Variants in MAP1S observed in about 807,000 individuals in gnomAD.
The protein encoded by MAP1S is microtubule-associated protein 1S.
In MAP1S, 27 loss-of-function variants were observed where a neutral mutation model predicts 60.9. That is an observed-to-expected ratio of 0.44 (90% CI 0.33 to 0.61). MAP1S has a LOEUF of 0.61. Among genes scored for constraint, MAP1S ranks in the 20% least tolerant of loss-of-function variants. MAP1S has a pLI of 0.03. For missense variants in MAP1S, 1,608 were observed against 1,486.6 expected, an observed-to-expected ratio of 1.08 and a Z score of -1.34; for synonymous variants, 826 against 694.2, an observed-to-expected ratio of 1.19 and a Z score of -2.98.
At chr19:17,731,551 TTGA>T (rs563564874) in intron 5 of MAP1S, among the ~76,000 whole-genome samples, 8 of 152,388 alleles carry the variant, frequency 5.2e-5, no homozygotes, top group African/African-American at 1.7e-4. Context: ...GTCCTCTATC[TTGA>T]TTCTTCTATT....
chr19:17,722,766 AGAGG>A (rs754077101), intron 2 of MAP1S, among the ~76,000 whole-genome samples: 1,493 of 111,922 alleles, frequency 0.013, 35 homozygotes, highest in African/African-American at 0.046. Flanking sequence ...AGAGAGAGAG[AGAGG>A]GAGGGAGGGA....
chr19:17,724,928 C>A, intron 3 of MAP1S, 121 bp from the exon 4 acceptor site: 9 of 1,257,082 alleles, frequency 7.2e-6, no homozygotes, highest in Non-Finnish European at 1.0e-5. Flanking sequence ...GAGCACTGGG[C>A]TGGTCGTGGG....
At position 17,725,040 on chromosome 19, in the gene MAP1S, C is replaced by T. The variant is rs1479349550; in HGVS notation, c.304-9C>T. 3.1e-6 allele frequency: 5 copies of T among 1,614,038 alleles called. No individual in the cohort carries two copies. The highest frequency in any genetic ancestry group is 2.5e-6 in the Non-Finnish European group (3 of 1,180,024). Reference sequence around the variant, plus strand: ...GAACGGGTCCTTTAGTGTTCACCCCCTCCCTCAGCTCCGGAACCTTCTGTT... The same window carrying T: ...GAACGGGTCCTTTAGTGTTCACCCCTTCCCTCAGCTCCGGAACCTTCTGTT... On this transcript the variant is annotated splice_polypyrimidine_tract_variant and intron_variant, in intron 3 of 6. Transcript: ENST00000324096. The surrounding 1 kb of genome is among the most constrained non-coding windows in gnomAD (Gnocchi z 4.2).
Position 17,728,008 on chromosome 19 carries a change from C to A in MAP1S, c.2624C>A (p.Ala875Asp). The A allele has an allele frequency of 6.2e-7, 1 of 1,611,802 alleles. No individual in the cohort carries two copies. Among genetic ancestry groups the A allele is most frequent in the Non-Finnish European group, 8.5e-7 (1 of 1,179,318 alleles). Residue 875 changes from alanine to aspartate, a missense_variant, in exon 5 of 7, where the codon GCC (alanine) becomes GAC (aspartate). Ala to Asp is a moderately radical substitution (Grantham distance 126, BLOSUM62 -2). Around this residue, in one of 4 missense-constraint regions of MAP1S, gnomAD observed 1,167 missense variants for 961.4 expected, o/e 1.21. Coordinates refer to ENST00000324096, the MANE Select transcript of MAP1S (RefSeq NM_018174.6). ...PLARPNSRAA[A>D]PKATPVAAAK... Reference sequence around the variant, plus strand: ...GCCCGCCCCAACTCACGCGCTGCCGCCCCCAAAGCCACTCCAGTGGCTGCT... The same window carrying A: ...GCCCGCCCCAACTCACGCGCTGCCGACCCCAAAGCCACTCCAGTGGCTGCT...
chr19:17,722,640 T>C (rs2080380626), intron 2 of MAP1S, among the ~76,000 whole-genome samples: 1 of 151,370 alleles, frequency 6.6e-6, no homozygotes, highest in African/African-American at 2.4e-5. Flanking sequence ...CCCCAGCTAC[T>C]TGGGAGACTG....
Position 17,727,155 on chromosome 19 carries a change from G to A in MAP1S, c.1771G>A (p.Ala591Thr), listed in dbSNP as rs368058926. The change falls in exon 5 of 7, where the codon GCC becomes ACC. Residue 591 changes from alanine to threonine, a missense_variant. By Grantham distance (58) the Ala-to-Thr change is moderately conservative. Coordinates refer to ENST00000324096, the MANE Select transcript of MAP1S (RefSeq NM_018174.6). The surrounding 1 kb of genome is among the most constrained non-coding windows in gnomAD (Gnocchi z 4.1). ...RSPPSLRCGEASPPSAACGSP... is the reference protein window; with the variant it reads ...RSPPSLRCGETSPPSAACGSP... ...CCCGCCCAGCCTCCGATGTGGAGAA[G>A]CCAGCCCCCCCAGTGCAGCCTGCGG... 24 of 1,589,176 alleles carry A rather than the reference G, an allele frequency of 1.5e-5. No homozygotes were observed. In the African/African-American group the frequency reaches 3.0e-4, roughly 20 times the overall value.
intron 2 of MAP1S, 64 bp from the exon 3 acceptor site, chr19:17,724,062 A>G (rs1462771183): frequency 3.0e-6 from 4 of 1,328,382 alleles, no homozygotes; most frequent in Non-Finnish European, 4.3e-6. Flanking sequence ...AGAGGGGTTC[A>G]TGTTCCCTGA....
At position 17,727,847 on chromosome 19, in the gene MAP1S, C is replaced by T. The variant is rs1281069996; in HGVS notation, c.2463C>T (p.His821=). 2 of 1,613,396 alleles carry T rather than the reference C, an allele frequency of 1.2e-6. No homozygotes were observed. The highest frequency in any genetic ancestry group is 1.1e-5 in the South Asian group (1 of 91,072). The change falls in exon 5 of 7, where the codon CAC becomes CAT. Residue 821 remains histidine (H), a synonymous_variant. Transcript: ENST00000324096. This position sits in a 1 kb window ranked among gnomAD's most constrained non-coding sequence, Gnocchi z 4.1. ...EDTEGFGVPR[H]DPLPDPLKVP... ...CAGAGGGCTTTGGAGTCCCTCGCCA[C>T]GACCCTTTGCCTGACCCCCTCAAGG... is the stretch of plus-strand genomic sequence containing the variant.
In MAP1S at chr19:17,721,186, G is replaced by T; in HGVS notation, c.220+149G>T. 4.2e-6 allele frequency: 3 copies of T among 712,100 alleles called. No individual in the cohort carries two copies. In the South Asian group the frequency reaches 4.5e-5, roughly 11 times the overall value. 44.1% of individuals were successfully genotyped at this position (712,100 alleles called of 1,614,324 possible). A position where few individuals can be genotyped will look rare whatever the true frequency, so the allele number is the denominator to read the frequency against. On this transcript the variant is annotated intron_variant, in intron 2 of 6. Transcript: ENST00000324096. ...TTTCAAATGCAAGCCGTGACCCAGTGATAACCCCCTCAGTCCTCAGCAACC... is the reference window on the plus strand; with the variant it reads ...TTTCAAATGCAAGCCGTGACCCAGTTATAACCCCCTCAGTCCTCAGCAACC...
At position 17,728,079 on chromosome 19, in the gene MAP1S, C is replaced by T. The variant is rs2080459723; in HGVS notation, c.2695C>T (p.Leu899Phe). ...TGGTGGGGACCGTGCCAGCCGACCA[C>T]TCAGTGCCCGGAGTGAGCCCAGTGA... ...LAGGDRASRP[L>F]SARSEPSEKG... The change falls in exon 5 of 7, where the codon CTC becomes TTC. Residue 899 changes from leucine (L) to phenylalanine (F), a missense_variant. By Grantham distance (22) the Leu-to-Phe change is conservative. This residue lies in a region of MAP1S where 1,167 missense variants were observed against 961.4 expected (regional missense o/e 1.21). Coordinates refer to ENST00000324096, the MANE Select transcript of MAP1S (RefSeq NM_018174.6). 6.2e-7 allele frequency: 1 copy of T among 1,612,814 alleles called. No homozygotes were observed. The highest frequency in any genetic ancestry group is 1.1e-5 in the South Asian group (1 of 91,004).
At position 17,720,176 on chromosome 19, in the gene MAP1S, A is replaced by G. The variant is rs1471043591; in HGVS notation, c.118+556A>G. On this transcript the variant is annotated intron_variant, in intron 1 of 6. Transcript: ENST00000324096. The stretch of plus-strand genomic sequence containing the variant: ...GAGGTGAGTCATAGGCGCACCTGCC[A>G]GGTTCACCTGCAGCCACTTGGCTCA... The G allele has an allele frequency of 2.8e-5, 38 of 1,340,852 alleles. No homozygotes were observed. In the East Asian group the frequency reaches 1.2e-3, roughly 42 times the overall value. 83.1% of individuals were successfully genotyped at this position (1,340,852 alleles called of 1,614,324 possible). A position where few individuals can be genotyped will look rare whatever the true frequency, so the allele number is the denominator to read the frequency against.
chr19:17,723,850 G>A (rs55890128), intron 2 of MAP1S, among the ~76,000 whole-genome samples: 4,059 of 152,162 alleles, frequency 0.027, 162 homozygotes, highest in African/African-American at 0.092. Flanking sequence ...GCGAGACTCC[G>A]TCTCACAAAA....
At chr19:17,723,833 C>T (rs1032685794) in intron 2 of MAP1S, among the ~76,000 whole-genome samples, 10 of 152,154 alleles carry the variant, frequency 6.6e-5, no homozygotes, top group African/African-American at 1.9e-4. Flanking sequence ...CCAGCCTGGG[C>T]GACAGAGCGA....
rs1248224043 is a variant in MAP1S at position 17,727,977 on chromosome 19, C to A, written c.2593C>A (p.Pro865Thr). ...GGAGAACGTCAGCCGCACCCGGAAG[C>A]CCCTGGCCCGCCCCAACTCACGCGC... ...QTENVSRTRK[P>T]LARPNSRAAA... Residue 865 changes from proline to threonine, a missense_variant, in exon 5 of 7, where the codon CCC becomes ACC. Pro to Thr is a conservative substitution (Grantham distance 38). Transcript: ENST00000324096. This position sits in a 1 kb window ranked among gnomAD's most constrained non-coding sequence, Gnocchi z 4.1. The A allele has an allele frequency of 1.2e-6, 2 of 1,610,064 alleles. No individual in the cohort carries two copies. Among genetic ancestry groups the A allele is most frequent in the East Asian group, 4.5e-5 (2 of 44,742 alleles).
At chr19:17,724,907 C>T (rs531673801) in intron 3 of MAP1S, 142 bp from the exon 4 acceptor site, 34 of 1,004,722 alleles carry the variant, frequency 3.4e-5, no homozygotes, top group African/African-American at 3.4e-4. Flanking sequence ...AGACTGCCTT[C>T]GTAGCTAGTT....
In MAP1S at chr19:17,727,145, A is replaced by T. The variant is rs761703006; in HGVS notation, c.1761A>T (p.Arg587=). ...GACCCCGCAGCCCGCCCAGCCTCCG[A>T]TGTGGAGAAGCCAGCCCCCCCAGTG... The part of the protein sequence containing the change: ...ANGPRSPPSL[R]CGEASPPSAA... Residue 587 remains arginine, a synonymous_variant, in exon 5 of 7, where the codon CGA becomes CGT. Coordinates refer to ENST00000324096, the MANE Select transcript of MAP1S (RefSeq NM_018174.6). The surrounding 1 kb of genome is among the most constrained non-coding windows in gnomAD (Gnocchi z 4.1). 27 of 1,590,602 alleles carry T rather than the reference A, an allele frequency of 1.7e-5. No individual in the cohort carries two copies. The South Asian group carries it at 2.8e-4, about 17-fold the overall frequency.
At chr19:17,719,687 C>CCGGCGGGGTGGGG in intron 1 of MAP1S, 67 bp downstream of exon 1, 1 of 883,866 alleles carries the variant, frequency 1.1e-6, no homozygotes, top group Non-Finnish European at 1.4e-6. Context: ...GGGCCCGGGG[C>CCGGCGGGGTGGGG]CGGCGGGGTG....
chr19:17,728,398 G>A (rs895082148), intron 5 of MAP1S, among the ~76,000 whole-genome samples: 2 of 152,040 alleles, frequency 1.3e-5, no homozygotes, highest in Non-Finnish European at 2.9e-5. Context: ...TACTGGCACC[G>A]CCACTACCCC....
intron 5 of MAP1S, among the ~76,000 whole-genome samples, chr19:17,730,214 A>G (rs539682502): frequency 5.3e-5 from 8 of 152,206 alleles, no homozygotes; most frequent in Non-Finnish European, 1.0e-4. Flanking sequence ...TTTGATTTCC[A>G]TGTCCCTAAT....
Sources: allele counts gnomAD v4.1 joint callset (sites outside exome capture counted in the v4.1 genomes callset), GRCh38; gene constraint gnomAD v4.1.1; regional missense constraint gnomAD v4.1.1; non-coding constraint Gnocchi (gnomAD v3.1); transcripts MANE v1.5; gene names NCBI Gene and HGNC (gene_info 2026-07-23, HGNC 2026-07-21).